Variants in KIAA1958 observed in about 807,000 individuals in gnomAD.
The protein encoded by KIAA1958 is uncharacterized protein KIAA1958.
A neutral mutation model predicts 47.2 loss-of-function variants in KIAA1958; 14 were observed. The observed-to-expected ratio is 0.30, with a 90% CI of 0.20 to 0.46. The LOEUF (loss-of-function observed/expected upper bound fraction) is 0.46, where lower values mean the gene tolerates loss of function less well. KIAA1958 is among the 20% of genes least tolerant of loss of function. KIAA1958 has a pLI of 1.00. For synonymous variants in KIAA1958, 354 were observed against 353.3 expected, an observed-to-expected ratio of 1.00 and a Z score of -0.02; for missense variants, 803 against 909.2, an observed-to-expected ratio of 0.88 and a Z score of 1.50.
At chr9:112,557,460 A>T (rs1835262455) in intron 1 of KIAA1958, among the ~76,000 whole-genome samples, 1 of 152,256 alleles carries the variant, frequency 6.6e-6, no homozygotes, top group Non-Finnish European at 1.5e-5. Flanking sequence ...ATCCTAAAAA[A>T]TATTTAGAAA....
chr9:112,645,381 G>T (rs1836958536), intron 2 of KIAA1958, among the ~76,000 whole-genome samples: 1 of 152,060 alleles, frequency 6.6e-6, no homozygotes, highest in Admixed American at 6.5e-5. Context: ...TCTATTATTG[G>T]AATGCCTGCA....
chr9:112,495,400 G>A (rs1345489084), intron 1 of KIAA1958, among the ~76,000 whole-genome samples: 1 of 152,152 alleles, frequency 6.6e-6, no homozygotes, highest in African/African-American at 2.4e-5. Context: ...ATAGTTTGAA[G>A]ATTTCCTCCT....
rs528673945 is a variant in KIAA1958 at position 112,587,917 on chromosome 9, A to G, written c.1171+12666A>G. On this transcript the variant is annotated intron_variant, in intron 2 of 3. Transcript: ENST00000337530. ...ATATCCATAGACTCTGCTGTGAAAG[A>G]TGAGGATTTAACTCATTTTTGTTAA... 7.9e-5 allele frequency among the ~76,000 whole-genome samples: 12 copies of G among 152,350 alleles called. No individual in the cohort carries two copies. The South Asian group carries it at 2.5e-3, about 32-fold the overall frequency.
intron 3 of KIAA1958, among the ~76,000 whole-genome samples, chr9:112,657,826 G>A (rs1192063665): frequency 1.3e-5 from 2 of 150,932 alleles, no homozygotes; most frequent in Non-Finnish European, 2.9e-5. Context: ...AGCTCATTCT[G>A]TCAAGACAGT....
At chr9:112,617,371 T>C (rs1230586367) in intron 2 of KIAA1958, among the ~76,000 whole-genome samples, 1 of 152,260 alleles carries the variant, frequency 6.6e-6, no homozygotes, top group African/African-American at 2.4e-5. Context: ...AGATCTGCTT[T>C]GTCATTTTTA....
chr9:112,532,732 G>T (rs1433804741), intron 1 of KIAA1958, among the ~76,000 whole-genome samples: 1 of 152,206 alleles, frequency 6.6e-6, no homozygotes, highest in Non-Finnish European at 1.5e-5. Flanking sequence ...ACTGCTGTGT[G>T]TGGTATAAGC....
Position 112,618,125 on chromosome 9 carries a change from C to T in KIAA1958, c.1172-27525C>T. The stretch of plus-strand genomic sequence containing the variant: ...TTACCAGTGTGGGCTCGAAAGGTAC[C>T]TGAAAGAACACAGGTATGGCTATAG... On this transcript the variant is annotated intron_variant, in intron 2 of 3. Coordinates refer to ENST00000337530, the MANE Select transcript of KIAA1958 (RefSeq NM_133465.4). The surrounding 1 kb of genome is among the most constrained non-coding windows in gnomAD (Gnocchi z 7.1). 2 of 1,550,528 alleles carry T rather than the reference C, an allele frequency of 1.3e-6. No individual in the cohort carries two copies. The highest frequency in any genetic ancestry group is 2.4e-5 in the South Asian group (2 of 84,056).
chr9:112,541,094 A>G (rs1271560867), intron 1 of KIAA1958, among the ~76,000 whole-genome samples: 1 of 152,130 alleles, frequency 6.6e-6, no homozygotes, highest in Non-Finnish European at 1.5e-5. Flanking sequence ...CTAGGTAAAC[A>G]GTGGTATCAT....
At chr9:112,548,680 G>A (rs151190521) in intron 1 of KIAA1958, among the ~76,000 whole-genome samples, 156 of 152,264 alleles carry the variant, frequency 1.0e-3, no homozygotes, top group African/African-American at 3.6e-3. Context: ...CCTTGGCATA[G>A]TATTTGCTAC....
chr9:112,517,974 G>C (rs1347493314), intron 1 of KIAA1958, among the ~76,000 whole-genome samples: 1 of 152,198 alleles, frequency 6.6e-6, no homozygotes. Flanking sequence ...ATGTAAAATG[G>C]TACAGCTACT....
chr9:112,602,436 C>T (rs1223678960), intron 2 of KIAA1958, among the ~76,000 whole-genome samples: 1 of 152,140 alleles, frequency 6.6e-6, no homozygotes, highest in Non-Finnish European at 1.5e-5. Context: ...AATTTGATTT[C>T]TTTCAGATGA....
At chr9:112,547,820 A>T (rs748208819) in intron 1 of KIAA1958, among the ~76,000 whole-genome samples, 1 of 152,048 alleles carries the variant, frequency 6.6e-6, no homozygotes, top group South Asian at 2.1e-4. Context: ...TTTAAGTCTG[A>T]TTAAGAAACA....
intron 1 of KIAA1958, among the ~76,000 whole-genome samples, chr9:112,543,567 CTTTTTTTTTTT>C (rs138422704): frequency 9.2e-6 from 1 of 108,180 alleles, no homozygotes; most frequent in Non-Finnish European, 1.9e-5. Flanking sequence ...TTCTGAGCTT[CTTTTTTTTTTT>C]TTTTTTTTTT....
At chr9:112,642,394 G>C (rs966943825) in intron 2 of KIAA1958, among the ~76,000 whole-genome samples, 1 of 152,208 alleles carries the variant, frequency 6.6e-6, no homozygotes, top group African/African-American at 2.4e-5. Context: ...TAGCTGCTTT[G>C]CTTTTTCCCT....
chr9:112,509,291 C>G (rs1481489795), intron 1 of KIAA1958, among the ~76,000 whole-genome samples: 2 of 151,612 alleles, frequency 1.3e-5, no homozygotes, highest in African/African-American at 2.4e-5. Context: ...TGCATCCTCC[C>G]CCAGGTTCAA....
chr9:112,593,977 A>T (rs1179944264), intron 2 of KIAA1958, among the ~76,000 whole-genome samples: 1 of 151,910 alleles, frequency 6.6e-6, no homozygotes, highest in Non-Finnish European at 1.5e-5. Context: ...CAATCCTCCC[A>T]CCTCAGCCTC....
chr9:112,602,150 TAATTTTATTTTA>T (rs1836144701), intron 2 of KIAA1958, among the ~76,000 whole-genome samples: 1 of 152,228 alleles, frequency 6.6e-6, no homozygotes, highest in Non-Finnish European at 1.5e-5. Flanking sequence ...ATTGACTTTT[TAATTTTATTTTA>T]TGGTAGTTAT....
intron 2 of KIAA1958, among the ~76,000 whole-genome samples, chr9:112,599,832 T>C (rs1457579185): frequency 6.6e-6 from 1 of 152,216 alleles, no homozygotes; most frequent in Non-Finnish European, 1.5e-5. Context: ...GCAGCAGATA[T>C]TTCAGACATA....
chr9:112,534,996 G>T (rs1423378980), intron 1 of KIAA1958, among the ~76,000 whole-genome samples: 1 of 152,106 alleles, frequency 6.6e-6, no homozygotes, highest in African/African-American at 2.4e-5. Flanking sequence ...AATAAAAATT[G>T]TATATATTTA....
Sources: gnomAD v4.1 joint callset for allele counts (sites outside exome capture counted in the v4.1 genomes callset) on GRCh38, gnomAD v4.1.1 for gene constraint, Gnocchi (gnomAD v3.1) non-coding constraint, MANE v1.5 for transcripts, NCBI Gene and HGNC (gene_info 2026-07-23, HGNC 2026-07-21) for gene names.